TSGA10: variants seen among roughly 807,000 people sequenced by gnomAD.
TSGA10 encodes testis specific 10, also known as testis-specific gene 10 protein.
Under a neutral mutation model 96.6 loss-of-function variants are expected in TSGA10, and 43 were observed. That is an observed-to-expected ratio of 0.44 (90% CI 0.35 to 0.57). The LOEUF is 0.57. Among genes scored for constraint, TSGA10 ranks in the 20% least tolerant of loss-of-function variants. The pLI is 0.01. For missense variants in TSGA10, 703 were observed against 834.4 expected (o/e 0.84, Z 1.94); for synonymous variants, 229 against 269.9 (o/e 0.85, Z 1.48).
intron 16 of TSGA10, among the ~76,000 whole-genome samples, chr2:99,037,414 A>G (rs919909739): frequency 6.6e-6 from 1 of 152,242 alleles, no homozygotes; most frequent in Non-Finnish European, 1.5e-5. Context: ...CAAAGAAGAA[A>G]TCACAAAAAA....
chr2:99,078,925 T>G (rs2087087231), intron 11 of TSGA10, 112 bp from the exon 12 acceptor site: 3 of 941,746 alleles, frequency 3.2e-6, no homozygotes, highest in Non-Finnish European at 4.5e-6. Context: ...TATATTATAT[T>G]CAATTACTAA....
chr2:99,086,137 A>AT (rs1272299153), intron 10 of TSGA10, among the ~76,000 whole-genome samples: 1 of 151,682 alleles, frequency 6.6e-6, no homozygotes, highest in Admixed American at 6.6e-5. Flanking sequence ...GTTTACCTAC[A>AT]TAACAAACCT....
chr2:99,077,946 A>G (rs2086930248), intron 12 of TSGA10, among the ~76,000 whole-genome samples: 2 of 151,892 alleles, frequency 1.3e-5, no homozygotes, highest in African/African-American at 4.8e-5. Flanking sequence ...GCCCTATATG[A>G]TCTATTCTCA....
intron 10 of TSGA10, among the ~76,000 whole-genome samples, chr2:99,095,919 G>A (rs901343860): frequency 2.6e-5 from 4 of 152,266 alleles, no homozygotes; most frequent in Admixed American, 2.6e-4. Flanking sequence ...GATTACAGGC[G>A]TGAGCCACTG....
intron 10 of TSGA10, among the ~76,000 whole-genome samples, chr2:99,090,471 G>T (rs1006763844): frequency 6.6e-6 from 1 of 152,106 alleles, no homozygotes; most frequent in Non-Finnish European, 1.5e-5. Flanking sequence ...CAGTTATTAA[G>T]CTAATCAAGG....
rs946213656 is a variant in TSGA10 at position 98,998,094 on chromosome 2, C to T, written c.*103G>A. 2.1e-5 allele frequency: 20 copies of T among 951,666 alleles called. No homozygotes were observed. In the African/African-American group the frequency reaches 3.0e-4, roughly 14 times the overall value. 59.0% of individuals were successfully genotyped at this position (951,666 alleles called of 1,614,324 possible). On this transcript the variant is annotated 3_prime_UTR_variant, in exon 21 of 21. Coordinates refer to ENST00000393483, the MANE Select transcript of TSGA10 (RefSeq NM_025244.4). Reference sequence around the variant, plus strand: ...ACACAAAGTTAATAAATACATTTAACATTGCCAAGCATTTAAAAGATAAAT... The same window carrying T: ...ACACAAAGTTAATAAATACATTTAATATTGCCAAGCATTTAAAAGATAAAT...
intron 17 of TSGA10, among the ~76,000 whole-genome samples, chr2:99,022,008 G>A (rs1558751045): frequency 6.6e-6 from 1 of 152,018 alleles, no homozygotes; most frequent in Non-Finnish European, 1.5e-5. Context: ...ACAATCTAAT[G>A]TGAGAACTTT....
At chr2:99,130,398 T>C (rs2093020020) in intron 1 of TSGA10, among the ~76,000 whole-genome samples, 1 of 152,246 alleles carries the variant, frequency 6.6e-6, no homozygotes, top group Non-Finnish European at 1.5e-5. Flanking sequence ...CTTTTTTTCA[T>C]GTTTGTTCGC....
chr2:99,002,130 A>G (rs1285978029), intron 20 of TSGA10, among the ~76,000 whole-genome samples: 1 of 152,216 alleles, frequency 6.6e-6, no homozygotes, highest in Non-Finnish European at 1.5e-5. Context: ...CAGGAAATAC[A>G]GAGAACGCTA....
chr2:99,065,752 A>G (rs2085197974), intron 15 of TSGA10, among the ~76,000 whole-genome samples: 2 of 152,198 alleles, frequency 1.3e-5, no homozygotes, highest in Admixed American at 1.3e-4. Flanking sequence ...AAACTATCAA[A>G]CCTATGCCAA....
At chr2:99,153,045 C>G (rs2093708608) in intron 1 of TSGA10, among the ~76,000 whole-genome samples, 1 of 152,118 alleles carries the variant, frequency 6.6e-6, no homozygotes, top group East Asian at 1.9e-4. Flanking sequence ...CTGACTAGAT[C>G]AGGGTAGCTG....
chr2:99,087,928 A>T (rs1337176622), intron 10 of TSGA10, among the ~76,000 whole-genome samples: 1 of 152,222 alleles, frequency 6.6e-6, no homozygotes, highest in African/African-American at 2.4e-5. Context: ...TTAGGAATCA[A>T]GAAAATACAG....
chr2:99,125,172 G>T (rs1281228223), intron 2 of TSGA10: 1 of 152,056 alleles, frequency 6.6e-6, no homozygotes, highest in Non-Finnish European at 1.5e-5. Context: ...TGTTTTCAAG[G>T]TTCACTCTGG....
intron 10 of TSGA10, among the ~76,000 whole-genome samples, chr2:99,098,422 GA>G (rs1479690887): frequency 1.5e-5 from 2 of 129,146 alleles, no homozygotes; most frequent in Non-Finnish European, 3.1e-5. Flanking sequence ...CTGGGTGACA[GA>G]GAGAGACTCT....
intron 10 of TSGA10, 92 bp downstream of exon 10, chr2:99,103,875 C>T: frequency 2.1e-6 from 3 of 1,435,838 alleles, no homozygotes; most frequent in Non-Finnish European, 2.8e-6. Context: ...AGAAACTGAA[C>T]TCAACAAATA....
intron 17 of TSGA10, among the ~76,000 whole-genome samples, chr2:99,026,937 G>A (rs184452002): frequency 2.6e-5 from 4 of 152,198 alleles, no homozygotes; most frequent in Non-Finnish European, 5.9e-5. Context: ...GGATGGTTTT[G>A]GGATGAAACT....
chr2:99,125,521 T>G (rs1133977), intron 2 of TSGA10: 79,085 of 151,982 alleles, frequency 0.52, 22,084 homozygotes, highest in Middle Eastern at 0.71. Flanking sequence ...AATTGTAACA[T>G]CCGTTCCATT....
chr2:99,053,818 G>A (rs1459314491), intron 16 of TSGA10, among the ~76,000 whole-genome samples: 5 of 151,892 alleles, frequency 3.3e-5, no homozygotes, highest in Non-Finnish European at 7.4e-5. Flanking sequence ...ATTTATAATA[G>A]CATAAGAAAA....
intron 13 of TSGA10, among the ~76,000 whole-genome samples, 160 bp downstream of exon 13, chr2:99,072,858 T>C (rs1468564751): frequency 6.6e-6 from 1 of 152,176 alleles, no homozygotes; most frequent in Non-Finnish European, 1.5e-5. Flanking sequence ...GCAAACACCA[T>C]CCCCTCTTTT....
Sources: gnomAD v4.1 joint callset for allele counts (sites outside exome capture counted in the v4.1 genomes callset) on GRCh38, gnomAD v4.1.1 for gene constraint, MANE v1.5 for transcripts, NCBI Gene and HGNC (gene_info 2026-07-23, HGNC 2026-07-21) for gene names.